Variants in ALDOB observed in about 807,000 individuals in gnomAD.
ALDOB encodes the protein fructose-bisphosphate aldolase B.
ALDOB carries 39 observed loss-of-function variants against 41.0 expected under a neutral mutation model. The ratio of observed to expected loss-of-function variants is 0.95; its 90% CI spans 0.74 to 1.24. ALDOB has a LOEUF of 1.24. ALDOB is among the 50% of genes most tolerant of loss of function. The pLI, the probability that ALDOB is intolerant of heterozygous loss-of-function variation, is 0.00. For synonymous variants in ALDOB, 175 were observed against 168.8 expected, an observed-to-expected ratio of 1.04 and a Z score of -0.28; for missense variants, 530 against 457.3, an observed-to-expected ratio of 1.16 and a Z score of -1.45.
rs191307519 is a variant in ALDOB at position 101,430,707 on chromosome 9, C to A, written c.112+69G>T. Reference sequence around the variant, plus strand: ...TTACTTCCATAAAGAATATGATTATCAAGTTGTTTTTGCTAAGTGTAGAAA... The same window carrying A: ...TTACTTCCATAAAGAATATGATTATAAAGTTGTTTTTGCTAAGTGTAGAAA... On this transcript the variant is annotated intron_variant, in intron 2 of 8. Transcript: ENST00000647789. The A allele has an allele frequency of 6.0e-6, 7 of 1,158,058 alleles. No homozygotes were observed. The East Asian group carries it at 1.6e-4, about 27-fold the overall frequency. 71.7% of individuals were successfully genotyped at this position (1,158,058 alleles called of 1,614,324 possible). A position where few individuals can be genotyped will look rare whatever the true frequency, so the allele number is the denominator to read the frequency against.
chr9:101,432,143 G>A (rs766268921), intron 1 of ALDOB, among the ~76,000 whole-genome samples: 7 of 152,122 alleles, frequency 4.6e-5, no homozygotes, highest in Non-Finnish European at 4.4e-5. Flanking sequence ...TCTGTCCCTT[G>A]ATATAAAAAG....
chr9:101,430,758 A>G lies in ALDOB; in HGVS notation c.112+18T>C. ...AAATAATATGTTGTTATATGATGAG[A>G]CTGCTTTTTACACTCACCTACAGAT... is the stretch of plus-strand genomic sequence containing the variant. On this transcript the variant is annotated intron_variant, in intron 2 of 8. Transcript: ENST00000647789. 6.4e-7 allele frequency: 1 copy of G among 1,554,924 alleles called. No individual in the cohort carries two copies. Among genetic ancestry groups the G allele is most frequent in the Non-Finnish European group, 8.9e-7 (1 of 1,126,232 alleles).
At chr9:101,432,575 A>G (rs767297983) in intron 1 of ALDOB, among the ~76,000 whole-genome samples, 1 of 152,172 alleles carries the variant, frequency 6.6e-6, no homozygotes, top group Non-Finnish European at 1.5e-5. Context: ...AATCAGCCCA[A>G]TAATAATAAT....
intron 6 of ALDOB, among the ~76,000 whole-genome samples, chr9:101,425,971 G>A (rs1311355183): frequency 6.6e-6 from 1 of 152,084 alleles, no homozygotes; most frequent in African/African-American, 2.4e-5. Context: ...TAGCTATTTG[G>A]GGTCATCTAA....
rs574635615 is a variant in ALDOB at position 101,427,484 on chromosome 9, G to A, written c.538C>T (p.Gln180Ter). The A allele has an allele frequency of 6.2e-7, 1 of 1,614,186 alleles. No homozygotes were observed. The highest frequency in any genetic ancestry group is 1.1e-5 in the South Asian group (1 of 91,086). ...AGCCCAAGGGGAAGGCAGAGCACCTGCTGACAGATGCTGGCGTAGCGAGCC... is the reference window on the plus strand; with the variant it reads ...AGCCCAAGGGGAAGGCAGAGCACCTACTGACAGATGCTGGCGTAGCGAGCC... ...ALARYASICQ[Q>*]NGLVPIVEPE... is the part of the protein sequence containing the mutation. The change falls in exon 5 of 9, where the codon CAG becomes TAG. Residue 180 changes from glutamine (Q) to a stop codon, truncating the protein, a stop_gained and splice_region_variant. Transcript: ENST00000647789. LOFTEE classifies it high-confidence loss of function.
At chr9:101,428,857 CTTG>C (rs1831170956) in intron 3 of ALDOB, among the ~76,000 whole-genome samples, 1 of 152,168 alleles carries the variant, frequency 6.6e-6, no homozygotes, top group African/African-American at 2.4e-5. Flanking sequence ...CTGACCTTGC[CTTG>C]TTGTGTGGGC....
rs199965465 is a variant in ALDOB, at chr9:101,425,044, T to G, written c.800-2A>C. 16 of 1,614,172 alleles carry G rather than the reference T, an allele frequency of 9.9e-6. No homozygotes were observed. The highest frequency in any genetic ancestry group is 1.4e-5 in the Non-Finnish European group (16 of 1,180,030). On this transcript the variant is annotated splice_acceptor_variant, in intron 7 of 8. Transcript: ENST00000647789. LOFTEE classifies it high-confidence loss of function. ...TGCCACCAGACAAAAAGCAGATGCC[T>G]GGTAGGAGAGAAGCCATTTCACTCT... is the stretch of plus-strand genomic sequence containing the variant.
At chr9:101,432,968 C>T (rs1024235282) in intron 1 of ALDOB, among the ~76,000 whole-genome samples, 16 of 152,184 alleles carry the variant, frequency 1.1e-4, no homozygotes, top group Admixed American at 9.8e-4. Flanking sequence ...ATCAGACAGA[C>T]CTAGTTTTAA....
chr9:101,427,396 A>C (rs1831146639), intron 5 of ALDOB, 86 bp downstream of exon 5: 14 of 1,516,178 alleles, frequency 9.2e-6, no homozygotes, highest in Non-Finnish European at 1.3e-5. Flanking sequence ...AAGGAGGTCC[A>C]TTTGTAGTTA....
intron 1 of ALDOB, 144 bp from the exon 2 acceptor site, chr9:101,431,041 G>T (rs561706265): frequency 2.0e-5 from 14 of 695,748 alleles, no homozygotes; most frequent in Middle Eastern, 3.4e-4. Flanking sequence ...AGCAAATGAG[G>T]TTTGTTTTTC....
chr9:101,434,237 G>A (rs954602691), intron 1 of ALDOB, among the ~76,000 whole-genome samples: 2 of 152,192 alleles, frequency 1.3e-5, no homozygotes, highest in African/African-American at 4.8e-5. Context: ...TCACTTTAGA[G>A]ATGAGGAAAC....
chr9:101,427,847 T>C (rs576562777), intron 4 of ALDOB, among the ~76,000 whole-genome samples: 2 of 152,182 alleles, frequency 1.3e-5, no homozygotes, highest in Non-Finnish European at 2.9e-5. Flanking sequence ...ATACATACTA[T>C]CTACTCCATA....
At chr9:101,429,139 CTTT>C (rs552828978) in intron 3 of ALDOB, among the ~76,000 whole-genome samples, 1 of 137,204 alleles carries the variant, frequency 7.3e-6, no homozygotes. Flanking sequence ...TTTTTTCTTT[CTTT>C]TTTTTTTTTT....
chr9:101,433,913 C>T (rs1288976047), intron 1 of ALDOB, among the ~76,000 whole-genome samples: 5 of 151,836 alleles, frequency 3.3e-5, no homozygotes, highest in Non-Finnish European at 5.9e-5. Flanking sequence ...AAACTACAGG[C>T]GCCTGCCACC....
intron 2 of ALDOB, 150 bp downstream of exon 2, chr9:101,430,626 C>A: frequency 1.5e-6 from 1 of 686,658 alleles, no homozygotes; most frequent in Non-Finnish European, 2.6e-6. Flanking sequence ...ACTTACAGGA[C>A]TCAAAAGCTC....
chr9:101,425,714 G>T, intron 6 of ALDOB, 87 bp from the exon 7 acceptor site: 1 of 1,401,004 alleles, frequency 7.1e-7, no homozygotes. Flanking sequence ...CAGGGAGGCA[G>T]GATGAAGGAA....
intron 8 of ALDOB, among the ~76,000 whole-genome samples, chr9:101,422,265 T>C (rs1012116034): frequency 6.6e-6 from 1 of 152,238 alleles, no homozygotes; most frequent in African/African-American, 2.4e-5. Context: ...TTCCATTTTC[T>C]ACCTATATTG....
chr9:101,423,194 C>T (rs12001680), intron 8 of ALDOB, among the ~76,000 whole-genome samples: 19,521 of 152,178 alleles, frequency 0.13, 1,695 homozygotes, highest in African/African-American at 0.25. Flanking sequence ...CTGGGGCCTT[C>T]CTTCCCTTTA....
chr9:101,434,293 T>C (rs987709563), intron 1 of ALDOB, among the ~76,000 whole-genome samples: 1 of 152,208 alleles, frequency 6.6e-6, no homozygotes, highest in African/African-American at 2.4e-5. Context: ...AGTTGTGATG[T>C]TCTAGGATTG....
Sources: allele counts gnomAD v4.1 joint callset (sites outside exome capture counted in the v4.1 genomes callset), GRCh38; gene constraint gnomAD v4.1.1; transcripts MANE v1.5; gene names NCBI Gene and HGNC (gene_info 2026-07-23, HGNC 2026-07-21).